The following FRMD4A variants were observed in gnomAD, a reference collection of about 807,000 sequenced individuals.
The protein encoded by FRMD4A is FERM domain-containing protein 4A.
Under a neutral mutation model 129.1 loss-of-function variants are expected in FRMD4A, and 29 were observed. That is an observed-to-expected ratio of 0.22 (90% CI 0.17 to 0.31). The LOEUF (loss-of-function observed/expected upper bound fraction) is 0.31. Ranked by LOEUF, FRMD4A falls within the 10% of genes least tolerant of loss-of-function variation. The pLI, the probability that FRMD4A is intolerant of heterozygous loss-of-function variation, is 1.00. For missense variants in FRMD4A, 1,272 were observed against 1,375.8 expected (o/e 0.92, Z 1.19); for synonymous variants, 634 against 571.6 (o/e 1.11, Z -1.56).
rs376367880 is a variant in FRMD4A, at chr10:13,810,804, C to G, written c.206+10G>C. The G allele has an allele frequency of 7.1e-7, 1 of 1,416,446 alleles. No individual in the cohort carries two copies. Among genetic ancestry groups the G allele is most frequent in the African/African-American group, 1.4e-5 (1 of 70,942 alleles). The allele number at this position is 1,416,446 out of a possible 1,614,324, so 87.7% of individuals were successfully genotyped here. A position where few individuals can be genotyped will look rare whatever the true frequency, so the allele number is the denominator to read the frequency against. On this transcript the variant is annotated intron_variant, in intron 4 of 24. Transcript: ENST00000357447. ...CCCTTCGGGCTGTGAGGGCTCAAGG[C>G]AGTACTTACGTTTCATCTGTGAATG... is the stretch of plus-strand genomic sequence containing the variant.
At chr10:13,823,750 G>A (rs2130914174) in intron 3 of FRMD4A, among the ~76,000 whole-genome samples, 1 of 152,310 alleles carries the variant, frequency 6.6e-6, no homozygotes, top group South Asian at 2.1e-4. Flanking sequence ...TGGCAGATTG[G>A]TACCTTTCCA....
chr10:13,910,888 G>GAAAAAAAAAAAAAAA (rs141449954), intron 2 of FRMD4A, among the ~76,000 whole-genome samples: 2 of 83,100 alleles, frequency 2.4e-5, no homozygotes, highest in African/African-American at 1.0e-4. Context: ...GGAGTTTCAT[G>GAAAAAAAAAAAAAAA]AAAAAAAAAA....
At chr10:14,039,459 T>TCA (rs1565204750) in intron 2 of FRMD4A, among the ~76,000 whole-genome samples, 39 of 27,170 alleles carry the variant, frequency 1.4e-3, no homozygotes, top group South Asian at 8.1e-3. Flanking sequence ...TCAATCAATC[T>TCA]ATCTATCTAT....
At chr10:13,987,638 C>G (rs1287817418) in intron 2 of FRMD4A, among the ~76,000 whole-genome samples, 1 of 152,122 alleles carries the variant, frequency 6.6e-6, no homozygotes, top group Non-Finnish European at 1.5e-5. Context: ...CATTTTGACT[C>G]GTTATAGAAA....
At chr10:13,684,623 C>G in intron 15 of FRMD4A, 1 of 985,312 alleles carries the variant, frequency 1.0e-6, no homozygotes, top group Non-Finnish European at 1.2e-6. Flanking sequence ...AGACCCTGGG[C>G]GACTCAGCAC....
intron 15 of FRMD4A, among the ~76,000 whole-genome samples, chr10:13,689,703 C>A (rs539831467): frequency 6.6e-6 from 1 of 151,740 alleles, no homozygotes; most frequent in Non-Finnish European, 1.5e-5. Flanking sequence ...TAAGCATGCA[C>A]CACCATGTCC....
At chr10:13,695,687 G>A (rs916550641) in intron 14 of FRMD4A, among the ~76,000 whole-genome samples, 2 of 152,216 alleles carry the variant, frequency 1.3e-5, no homozygotes, top group African/African-American at 4.8e-5. Context: ...ACACGGACTG[G>A]GCGAGGTTCA....
At position 13,703,844 on chromosome 10, in the gene FRMD4A, A is replaced by G. The variant is rs570429293; in HGVS notation, c.837-2366T>C. Among the ~76,000 whole-genome samples, 123 of 152,314 alleles carry G rather than the reference A, an allele frequency of 8.1e-4. No individual in the cohort carries two copies. In the South Asian group the frequency reaches 0.025, roughly 31 times the overall value. On this transcript the variant is annotated intron_variant, in intron 13 of 24. Transcript: ENST00000357447. ...ACGTGATGAAATCCCATCTCTACTA[A>G]AAATAAAAAAATTAGCTGGGTGTAG... is the stretch of plus-strand genomic sequence containing the variant.
chr10:14,237,619 C>A (rs1278610238), intron 2 of FRMD4A, among the ~76,000 whole-genome samples: 1 of 152,242 alleles, frequency 6.6e-6, no homozygotes, highest in Non-Finnish European at 1.5e-5. Flanking sequence ...ACGTGAGCCA[C>A]TGCACCTGGC....
Position 13,913,041 on chromosome 10 carries a change from G to A in FRMD4A, c.46-54129C>T, listed in dbSNP as rs77252704. On this transcript the variant is annotated intron_variant, in intron 2 of 24. Transcript: ENST00000357447. ...TGAGCTGAGGTCACACCATTGCACC[G>A]TAGCCTGGGTAAGAAGAGTAAAACT... Among the ~76,000 whole-genome samples the A allele has an allele frequency of 0.012, 1,809 of 149,826 alleles. 86 individuals carry two copies. In the East Asian group the frequency reaches 0.16, roughly 14 times the overall value.
intron 17 of FRMD4A, among the ~76,000 whole-genome samples, chr10:13,669,114 T>C (rs905159728): frequency 4.4e-5 from 6 of 137,398 alleles, no homozygotes; most frequent in Non-Finnish European, 9.1e-5. Context: ...CAGGCTGGAG[T>C]GCAGTGGCGC....
intron 16 of FRMD4A, among the ~76,000 whole-genome samples, chr10:13,670,918 T>C (rs958910338): frequency 4.6e-5 from 7 of 152,204 alleles, no homozygotes; most frequent in African/African-American, 1.7e-4. Context: ...GCGTGAGTTC[T>C]CGGGCCTCTC....
chr10:13,918,721 G>GT (rs2131250875), intron 2 of FRMD4A, among the ~76,000 whole-genome samples: 1 of 151,940 alleles, frequency 6.6e-6, no homozygotes, highest in South Asian at 2.1e-4. Flanking sequence ...TAGAGATGGG[G>GT]TTTTGCCATG....
chr10:14,042,203 T>TAA (rs1833805732), intron 2 of FRMD4A, among the ~76,000 whole-genome samples: 1 of 152,254 alleles, frequency 6.6e-6, no homozygotes. Context: ...CCTGGCACGC[T>TAA]TATACTGGTC....
At chr10:14,245,125 G>T (rs1192024933) in intron 2 of FRMD4A, among the ~76,000 whole-genome samples, 1 of 152,152 alleles carries the variant, frequency 6.6e-6, no homozygotes, top group African/African-American at 2.4e-5. Context: ...CTTGCTCATG[G>T]ACATTGCACA....
In FRMD4A at chr10:13,966,687, C is replaced by A. The variant is rs1350519234; in HGVS notation, c.46-107775G>T. Among the ~76,000 whole-genome samples, 3 of 152,182 alleles carry A rather than the reference C, an allele frequency of 2.0e-5. No individual in the cohort carries two copies. The East Asian group carries it at 5.8e-4, about 29-fold the overall frequency. The stretch of plus-strand genomic sequence containing the variant: ...GCTGAGTGGCACATCACAGCCACAT[C>A]CTGCCTCTGGGTGTGACCTGGAGTG... On this transcript the variant is annotated intron_variant, in intron 2 of 24. Coordinates refer to ENST00000357447, the MANE Select transcript of FRMD4A (RefSeq NM_018027.5).
intron 2 of FRMD4A, among the ~76,000 whole-genome samples, chr10:14,058,052 A>C (rs942771580): frequency 5.3e-5 from 8 of 152,242 alleles, no homozygotes; most frequent in Admixed American, 3.3e-4. Context: ...ATTCCCACCC[A>C]GGCCTTCCAG....
intron 2 of FRMD4A, among the ~76,000 whole-genome samples, chr10:14,008,775 C>A (rs1184362445): frequency 6.6e-6 from 1 of 152,182 alleles, no homozygotes; most frequent in African/African-American, 2.4e-5. Flanking sequence ...TCTTTGAAAT[C>A]ATAAATTCTA....
intron 2 of FRMD4A, among the ~76,000 whole-genome samples, chr10:14,054,180 C>T (rs1306563339): frequency 1.3e-5 from 2 of 152,094 alleles, no homozygotes; most frequent in African/African-American, 2.4e-5. Flanking sequence ...AAAAAAGACC[C>T]CTGTGGTTTC....
Sources: gnomAD v4.1 joint callset for allele counts (sites outside exome capture counted in the v4.1 genomes callset) on GRCh38, gnomAD v4.1.1 for gene constraint, MANE v1.5 for transcripts, NCBI Gene and HGNC (gene_info 2026-07-23, HGNC 2026-07-21) for gene names.